Variants in ZAR1L observed in about 807,000 individuals in gnomAD.
ZAR1L encodes the protein zygote arrest 1 like, also known as protein ZAR1-like.
Under a neutral mutation model 30.0 loss-of-function variants are expected in ZAR1L, and 16 were observed. The ratio of observed to expected loss-of-function variants is 0.53; its 90% CI spans 0.36 to 0.81. The LOEUF is 0.81. Among genes scored for constraint, ZAR1L ranks in the 30% least tolerant of loss-of-function variants. The pLI, the probability that ZAR1L is intolerant of heterozygous loss-of-function variation, is 0.00. For missense variants in ZAR1L, 392 were observed against 417.2 expected, an observed-to-expected ratio of 0.94 and a Z score of 0.53; for synonymous variants, 197 against 166.8, an observed-to-expected ratio of 1.18 and a Z score of -1.40.
rs1435411654 is a variant in ZAR1L, at chr13:32,303,760, A to G, written c.*119T>C. 1.0e-6 allele frequency: 1 copy of G among 972,898 alleles called. No homozygotes were observed. The highest frequency in any genetic ancestry group is 2.7e-5 in the East Asian group (1 of 37,574). 60.3% of individuals were successfully genotyped at this position (972,898 alleles called of 1,614,324 possible). ...TGTACAATTGTTACACAATCTACAA[A>G]AAGTACAAAAGCCTAGCCATTTTCC... On this transcript the variant is annotated 3_prime_UTR_variant, in exon 6 of 6. Transcript: ENST00000533490.
chr13:32,305,798 A>C (rs1488981556), intron 5 of ZAR1L, among the ~76,000 whole-genome samples: 1 of 152,226 alleles, frequency 6.6e-6, no homozygotes, highest in Non-Finnish European at 1.5e-5. Context: ...TAGAGATGAA[A>C]ACCCAGAAAT....
rs1178741433 is a variant in ZAR1L at position 32,303,906 on chromosome 13, A to G, written c.939T>C (p.Asn313=). The G allele has an allele frequency of 1.3e-6, 2 of 1,551,800 alleles. No individual in the cohort carries two copies. Among genetic ancestry groups the G allele is most frequent in the Admixed American group, 2.0e-5 (1 of 51,008 alleles). Reference sequence around the variant, plus strand: ...ACATCACATATTTAAAGCTGTAAATATTGCCACAGGAGAATCTCTTGTCTT... The same window carrying G: ...ACATCACATATTTAAAGCTGTAAATGTTGCCACAGGAGAATCTCTTGTCTT... The part of the protein sequence containing the change: ...RCKDKRFSCG[N]IYSFKYVM Residue 313 remains asparagine, a synonymous_variant, in exon 6 of 6, where the codon AAT becomes AAC. Transcript: ENST00000533490.
intron 5 of ZAR1L, among the ~76,000 whole-genome samples, chr13:32,306,930 CAAAAAAAAAAAAA>C (rs369500221): frequency 1.9e-4 from 11 of 59,080 alleles, no homozygotes; most frequent in African/African-American, 8.6e-4. Flanking sequence ...GACTCTATCT[CAAAAAAAAAAAAA>C]AAAAAAAAAA....
At chr13:32,309,860 T>C (rs193118122) in intron 4 of ZAR1L, among the ~76,000 whole-genome samples, 3 of 152,374 alleles carry the variant, frequency 2.0e-5, no homozygotes, top group Non-Finnish European at 2.9e-5. Flanking sequence ...TCTAGGTCTC[T>C]AGTAAATGGC....
intron 5 of ZAR1L, among the ~76,000 whole-genome samples, chr13:32,304,492 A>T (rs1313916065): frequency 6.6e-6 from 1 of 152,206 alleles, no homozygotes; most frequent in Non-Finnish European, 1.5e-5. Flanking sequence ...AGATGTTCTC[A>T]ACCAGGGGTG....
At chr13:32,308,861 C>T in intron 4 of ZAR1L, 101 bp from the exon 5 acceptor site, 2 of 764,836 alleles carry the variant, frequency 2.6e-6, no homozygotes, top group Non-Finnish European at 4.3e-6. Flanking sequence ...TTGCTTTTAC[C>T]AACTTCTACC....
intron 4 of ZAR1L, among the ~76,000 whole-genome samples, chr13:32,309,328 C>G (rs1022512188): frequency 6.6e-6 from 1 of 152,106 alleles, no homozygotes; most frequent in African/African-American, 2.4e-5. Flanking sequence ...TTCCATAGTT[C>G]TGAGAACTCC....
chr13:32,308,022 C>T (rs2072188899), intron 5 of ZAR1L, among the ~76,000 whole-genome samples: 3 of 152,120 alleles, frequency 2.0e-5, no homozygotes, highest in Admixed American at 6.5e-5. Flanking sequence ...AGGCTGGTCT[C>T]GAACTCCTGA....
At chr13:32,307,230 G>A (rs957277012) in intron 5 of ZAR1L, among the ~76,000 whole-genome samples, 9 of 152,142 alleles carry the variant, frequency 5.9e-5, no homozygotes, top group East Asian at 1.9e-4. Context: ...TAGGCTGAGC[G>A]CAGTGGCTTA....
chr13:32,308,912 T>G (rs2072194111), intron 4 of ZAR1L, among the ~76,000 whole-genome samples, 152 bp from the exon 5 acceptor site: 1 of 152,184 alleles, frequency 6.6e-6, no homozygotes, highest in Non-Finnish European at 1.5e-5. Context: ...ACCTCTACCC[T>G]TGGGGTTTCA....
At chr13:32,305,003 G>A (rs534067912) in intron 5 of ZAR1L, among the ~76,000 whole-genome samples, 1 of 151,900 alleles carries the variant, frequency 6.6e-6, no homozygotes, top group Non-Finnish European at 1.5e-5. Context: ...TAGAGATGGG[G>A]TTTCACCATG....
In ZAR1L at chr13:32,310,657, G is replaced by A; in HGVS notation, c.729C>T (p.Cys243=). The change falls in exon 4 of 6, where the codon TGC becomes TGT. Residue 243 remains cysteine (C), a synonymous_variant. Transcript: ENST00000533490. ...TATTTACCTTGTTCGTTCCAGAAATGCACCACACGTAAGCACTCTCCCACC... is the reference window on the plus strand; with the variant it reads ...TATTTACCTTGTTCGTTCCAGAAATACACCACACGTAAGCACTCTCCCACC... ...KTRWESAYVW[C]ISGTNKVYFK... The A allele has an allele frequency of 6.4e-7, 1 of 1,551,022 alleles. No homozygotes were observed. The highest frequency in any genetic ancestry group is 8.7e-7 in the Non-Finnish European group (1 of 1,146,336).
At chr13:32,311,178 G>T in intron 3 of ZAR1L, 94 bp downstream of exon 3, 1 of 1,328,096 alleles carries the variant, frequency 7.5e-7, no homozygotes, top group Non-Finnish European at 1.0e-6. Flanking sequence ...TGGAAGAAGA[G>T]AGAGAAGATT....
intron 3 of ZAR1L, 42 bp from the exon 4 acceptor site, chr13:32,310,773 GA>G (rs776144325): frequency 2.3e-6 from 3 of 1,316,472 alleles, no homozygotes; most frequent in Non-Finnish European, 3.2e-6. Flanking sequence ...CATGCAAGGG[GA>G]AAAAAGCCAG....
intron 2 of ZAR1L, among the ~76,000 whole-genome samples, chr13:32,313,019 G>T (rs1200266965): frequency 2.0e-5 from 3 of 152,188 alleles, no homozygotes; most frequent in Non-Finnish European, 4.4e-5. Context: ...ATCTGAAAAA[G>T]TCAAATACAT....
intron 5 of ZAR1L, among the ~76,000 whole-genome samples, chr13:32,306,650 G>C (rs2072177478): frequency 6.6e-6 from 1 of 152,178 alleles, no homozygotes; most frequent in South Asian, 2.1e-4. Flanking sequence ...GATATCCAAG[G>C]CTGGGCGTGA....
At position 32,305,515 on chromosome 13, in the gene ZAR1L, T is replaced by G. The variant is rs192067060; in HGVS notation, c.823-1493A>C. 3.2e-4 allele frequency among the ~76,000 whole-genome samples: 49 copies of G among 152,344 alleles called. No homozygotes were observed. In the East Asian group the frequency reaches 7.7e-3, roughly 24 times the overall value. On this transcript the variant is annotated intron_variant, in intron 5 of 5. Coordinates refer to ENST00000533490, the MANE Select transcript of ZAR1L (RefSeq NM_001136571.2). ...TGCTGGGATTACAGGCGTGAGCCACTGCACCCAGCCCTTGTAAGAAAATTC... is the reference window on the plus strand; with the variant it reads ...TGCTGGGATTACAGGCGTGAGCCACGGCACCCAGCCCTTGTAAGAAAATTC...
chr13:32,310,563 T>C (rs2072205098), intron 4 of ZAR1L, 76 bp downstream of exon 4: 30 of 1,012,168 alleles, frequency 3.0e-5, no homozygotes, highest in Non-Finnish European at 4.2e-5. Flanking sequence ...CCATGCTCCC[T>C]CAGGAATCAG....
chr13:32,308,494 A>C (rs1411685085), intron 5 of ZAR1L, among the ~76,000 whole-genome samples, 192 bp downstream of exon 5: 1 of 152,218 alleles, frequency 6.6e-6, no homozygotes, highest in Non-Finnish European at 1.5e-5. Context: ...TGAAATAGTG[A>C]ATCTTCCCCT....
Sources: allele counts gnomAD v4.1 joint callset (sites outside exome capture counted in the v4.1 genomes callset), GRCh38; gene constraint gnomAD v4.1.1; transcripts MANE v1.5; gene names NCBI Gene and HGNC (gene_info 2026-07-23, HGNC 2026-07-21).